Variants in ZNF696 observed in about 807,000 individuals in gnomAD.
The protein encoded by ZNF696 is zinc finger protein 696.
In ZNF696, 10 loss-of-function variants were observed where a neutral mutation model predicts 12.3. The ratio of observed to expected loss-of-function variants is 0.81; its 90% CI spans 0.50 to 1.38. The LOEUF is 1.38. ZNF696 is among the 40% of genes most tolerant of loss of function. The probability of loss-of-function intolerance (pLI) is 0.00; values close to 1 mark genes in which losing one functional copy is unlikely to be tolerated. For missense variants in ZNF696, 675 were observed against 554.7 expected, an observed-to-expected ratio of 1.22 and a Z score of -2.18; for synonymous variants, 304 against 243.9, an observed-to-expected ratio of 1.25 and a Z score of -2.29.
Position 143,296,063 on chromosome 8 carries a change from T to C in ZNF696, c.388T>C (p.Cys130Arg). Residue 130 changes from cysteine (C) to arginine (R), a missense_variant, in exon 3 of 3, where the codon TGT (cysteine) becomes CGT (arginine). By Grantham distance (180) the Cys-to-Arg change is radical (BLOSUM62 -3). Coordinates refer to ENST00000330143, the MANE Select transcript of ZNF696 (RefSeq NM_030895.3). ...WKGRPFPCGA[C>R]GRSFKCSSDA... is the part of the protein sequence containing the mutation. The stretch of plus-strand genomic sequence containing the variant: ...GGGGCGGCCTTTCCCGTGCGGCGCC[T>C]GTGGCCGCAGCTTCAAGTGCTCCTC... 5.0e-6 allele frequency: 8 copies of C among 1,593,766 alleles called. No homozygotes were observed. The highest frequency in any genetic ancestry group is 6.8e-6 in the Non-Finnish European group (8 of 1,169,314).
chr8:143,296,228 G>A lies in ZNF696; in HGVS notation c.553G>A (p.Glu185Lys). The A allele has an allele frequency of 6.3e-7, 1 of 1,596,044 alleles. No homozygotes were observed. Among genetic ancestry groups the A allele is most frequent in the Non-Finnish European group, 8.5e-7 (1 of 1,175,330 alleles). ...CGGGGAGAGGCCCTACGCGTGCGCCGAGTGCGGCAAGGCCTTCGGCCAGAG... is the reference window on the plus strand; with the variant it reads ...CGGGGAGAGGCCCTACGCGTGCGCCAAGTGCGGCAAGGCCTTCGGCCAGAG... ...HSGERPYACAECGKAFGQSFN... is the reference protein window; with the variant it reads ...HSGERPYACAKCGKAFGQSFN... The change falls in exon 3 of 3, where the codon GAG (glutamate) becomes AAG (lysine). Residue 185 changes from glutamate (E) to lysine (K), a missense_variant. Physicochemically the swap from Glu to Lys is moderately conservative, Grantham distance 56. Transcript: ENST00000330143.
intron 1 of ZNF696, 42 bp downstream of exon 1, chr8:143,291,809 C>T (rs1352868409): frequency 4.1e-6 from 4 of 984,784 alleles, no homozygotes; most frequent in Admixed American, 1.2e-4. Flanking sequence ...TAAAAAATTG[C>T]ACTTTAAATT....
At position 143,296,671 on chromosome 8, in the gene ZNF696, G is replaced by T. The variant is rs1299586799; in HGVS notation, c.996G>T (p.Ala332=). ...GCCACTGCGGGCGCGCGTTCCGGGC[G>T]CTGTCGGGCTTCTTCCGGCACCAGC... ...QCGHCGRAFR[A]LSGFFRHQRL... The change falls in exon 3 of 3, where the codon GCG becomes GCT. Residue 332 remains alanine (A), a synonymous_variant. Coordinates refer to ENST00000330143, the MANE Select transcript of ZNF696 (RefSeq NM_030895.3). 2 of 1,571,122 alleles carry T rather than the reference G, an allele frequency of 1.3e-6. No homozygotes were observed. The highest frequency in any genetic ancestry group is 1.8e-5 in the Admixed American group (1 of 56,350).
chr8:143,295,368 A>AT (rs1342169887), intron 2 of ZNF696: 3 of 503,050 alleles, frequency 6.0e-6, no homozygotes, highest in African/African-American at 3.9e-5. Context: ...TTAAAATTCT[A>AT]TTTTTTTAAG....
In ZNF696 at chr8:143,298,139, C is replaced by A. The variant is rs574596991; in HGVS notation, c.*1339C>A. 6.6e-6 allele frequency: 1 copy of A among 152,006 alleles called. No individual in the cohort carries two copies. The highest frequency in any genetic ancestry group is 1.5e-5 in the Non-Finnish European group (1 of 68,006). 9.4% of individuals were successfully genotyped at this position (152,006 alleles called of 1,614,324 possible). Reference sequence around the variant, plus strand: ...CTACTGGCCGTGAGCCCCTGGGGTGCGGTTGCAGGATTCGCCCATCCTGGT... The same window carrying A: ...CTACTGGCCGTGAGCCCCTGGGGTGAGGTTGCAGGATTCGCCCATCCTGGT... On this transcript the variant is annotated 3_prime_UTR_variant, in exon 3 of 3. Coordinates refer to ENST00000330143, the MANE Select transcript of ZNF696 (RefSeq NM_030895.3).
At position 143,295,743 on chromosome 8, in the gene ZNF696, T is replaced by C; in HGVS notation, c.68T>C (p.Val23Ala). The part of the protein sequence containing the change: ...SSTLMESLAA[V>A]KAAFLAQAPS... The stretch of plus-strand genomic sequence containing the variant: ...TCCTGTCTGGCCTCTTTTTCAGCTG[T>C]GAAGGCTGCTTTCCTGGCGCAGGCC... Residue 23 changes from valine to alanine, a missense_variant, in exon 3 of 3, where the codon GTG becomes GCG. Transcript: ENST00000330143. 1 of 1,592,066 alleles carries C rather than the reference T, an allele frequency of 6.3e-7. No individual in the cohort carries two copies.
chr8:143,294,992 G>A (rs867337023), intron 2 of ZNF696, among the ~76,000 whole-genome samples: 2 of 152,128 alleles, frequency 1.3e-5, no homozygotes, highest in African/African-American at 2.4e-5. Context: ...CTTGGGAGGC[G>A]GAGGGAGGAT....
In ZNF696 at chr8:143,296,227, C is replaced by T. The variant is rs773293902; in HGVS notation, c.552C>T (p.Ala184=). ...AHSGERPYAC[A]ECGKAFGQSF... ...GCGGGGAGAGGCCCTACGCGTGCGC[C>T]GAGTGCGGCAAGGCCTTCGGCCAGA... Residue 184 remains alanine (A), a synonymous_variant, in exon 3 of 3, where the codon GCC becomes GCT. Transcript: ENST00000330143. The T allele has an allele frequency of 2.0e-5, 32 of 1,594,990 alleles. No homozygotes were observed. The highest frequency in any genetic ancestry group is 2.1e-5 in the Non-Finnish European group (25 of 1,175,048).
At chr8:143,295,658 T>A (rs1021306546) in intron 2 of ZNF696, 82 bp from the exon 3 acceptor site, 20 of 1,397,440 alleles carry the variant, frequency 1.4e-5, no homozygotes, top group Non-Finnish European at 1.9e-5. Flanking sequence ...ACTGTCACTC[T>A]GTCGTCACCA....
rs1401549411 is a variant in ZNF696 at position 143,295,886 on chromosome 8, C to CCCCGGGCG, written c.211_212insCCCGGGCG (p.Leu71ProfsTer293). Reference sequence around the variant, plus strand: ...GGGGCCTCCCCGGGCGTTGGGGTCTCTTGGCCTTTGTGAAAACCAGGAAGC... The same window carrying CCCCGGGCG: ...GGGGCCTCCCCGGGCGTTGGGGTCTCCCCGGGCGTTGGCCTTTGTGAAAACCAGGAAGC... On this transcript the variant is annotated frameshift_variant, in exon 3 of 3. Transcript: ENST00000330143. LOFTEE classifies it low-confidence loss of function (END_TRUNC). 6.4e-7 allele frequency: 1 copy of CCCCGGGCG among 1,566,670 alleles called. No individual in the cohort carries two copies. Among genetic ancestry groups the CCCCGGGCG allele is most frequent in the Non-Finnish European group, 8.7e-7 (1 of 1,155,180 alleles).
chr8:143,296,572 C>T lies in ZNF696; in HGVS notation c.897C>T (p.Gly299=), dbSNP rs751760711. ...GGCCCTTCGCCTGCCAGGACTGCGG[C>T]CGCGCCTTCAGCCGCAGCTCCTTCC... ...GERPFACQDC[G]RAFSRSSFLR... is the part of the protein sequence containing the mutation. The change falls in exon 3 of 3, where the codon GGC becomes GGT. Residue 299 remains glycine, a synonymous_variant. Transcript: ENST00000330143. The T allele has an allele frequency of 1.8e-5, 28 of 1,595,480 alleles. No individual in the cohort carries two copies. The highest frequency in any genetic ancestry group is 2.2e-5 in the Non-Finnish European group (26 of 1,175,776).
intron 1 of ZNF696, 69 bp from the exon 2 acceptor site, chr8:143,292,903 C>A: frequency 1.4e-6 from 2 of 1,381,494 alleles, no homozygotes; most frequent in Non-Finnish European, 2.0e-6. Context: ...GGCATTCTGA[C>A]CTCACTGCCC....
rs1166974901 is a variant in ZNF696 at position 143,296,341 on chromosome 8, G to A, written c.666G>A (p.Ser222=). The A allele has an allele frequency of 2.5e-6, 4 of 1,590,136 alleles. No individual in the cohort carries two copies. The highest frequency in any genetic ancestry group is 2.7e-5 in the African/African-American group (2 of 73,526). Residue 222 remains serine (S), a synonymous_variant, in exon 3 of 3, where the codon TCG becomes TCA. Transcript: ENST00000330143. ...GCGGCAAGGCCTTCGGCCAGAGGTC[G>A]GACGCCGCCAAGCACCGCCGCACCC... ...ADCGKAFGQR[S]DAAKHRRTHT...
At chr8:143,293,702 A>G (rs1389391736) in intron 2 of ZNF696, among the ~76,000 whole-genome samples, 1 of 152,138 alleles carries the variant, frequency 6.6e-6, no homozygotes, top group East Asian at 1.9e-4. Flanking sequence ...CCTTCTCACC[A>G]TAGTCTTGGT....
At chr8:143,295,085 AGAAAG>A (rs1438100565) in intron 2 of ZNF696, among the ~76,000 whole-genome samples, 1 of 151,640 alleles carries the variant, frequency 6.6e-6, no homozygotes, top group Non-Finnish European at 1.5e-5. Context: ...CTGGCTCACA[AGAAAG>A]GAAGGAAGGA....
chr8:143,295,366 C>T (rs893753683), intron 2 of ZNF696: 1 of 500,890 alleles, frequency 2.0e-6, no homozygotes, highest in Non-Finnish European at 3.9e-6. Flanking sequence ...TTTTAAAATT[C>T]TATTTTTTTA....
chr8:143,296,627 G>A lies in ZNF696; in HGVS notation c.952G>A (p.Glu318Lys). 6.3e-7 allele frequency: 1 copy of A among 1,586,072 alleles called. No homozygotes were observed. The change falls in exon 3 of 3, where the codon GAG (glutamate) becomes AAG (lysine). Residue 318 changes from glutamate to lysine, a missense_variant. Physicochemically the swap from Glu to Lys is moderately conservative, Grantham distance 56. Transcript: ENST00000330143. ...CGAGCACCGCCGCATCCACACCGGG[G>A]AGAAGCCCCACCAGTGCGGCCACTG... ...LREHRRIHTG[E>K]KPHQCGHCGR...
chr8:143,296,020 G>C lies in ZNF696; in HGVS notation c.345G>C (p.Glu115Asp). 1 of 1,595,432 alleles carries C rather than the reference G, an allele frequency of 6.3e-7. No homozygotes were observed. Among genetic ancestry groups the C allele is most frequent in the African/African-American group, 1.3e-5 (1 of 74,660 alleles). The change falls in exon 3 of 3, where the codon GAG (glutamate) becomes GAC (aspartate). Residue 115 changes from glutamate (E) to aspartate (D), a missense_variant. Coordinates refer to ENST00000330143, the MANE Select transcript of ZNF696 (RefSeq NM_030895.3). ...CTCCGAACGCAGGCCCCGGCGCAGA[G>C]GGCGGGGGCAGCTGGAAGGGGCGGC... ...DVPPNAGPGA[E>D]GGGSWKGRPF... is the part of the protein sequence containing the mutation.
In ZNF696 at chr8:143,296,245, C is replaced by A; in HGVS notation, c.570C>A (p.Phe190Leu). 1 of 1,596,714 alleles carries A rather than the reference C, an allele frequency of 6.3e-7. No individual in the cohort carries two copies. The highest frequency in any genetic ancestry group is 8.5e-7 in the Non-Finnish European group (1 of 1,175,316). Reference protein sequence around the residue: ...PYACAECGKAFGQSFNLLRHQ... With the variant: ...PYACAECGKALGQSFNLLRHQ... ...CGTGCGCCGAGTGCGGCAAGGCCTT[C>A]GGCCAGAGCTTCAACCTCCTCCGGC... The change falls in exon 3 of 3, where the codon TTC becomes TTA. Residue 190 changes from phenylalanine (F) to leucine (L), a missense_variant. Phe to Leu is a conservative substitution (Grantham distance 22). Transcript: ENST00000330143.
Sources: gnomAD v4.1 joint callset for allele counts (sites outside exome capture counted in the v4.1 genomes callset) on GRCh38, gnomAD v4.1.1 for gene constraint, MANE v1.5 for transcripts, NCBI Gene and HGNC (gene_info 2026-07-23, HGNC 2026-07-21) for gene names.